The following ELF1 variants were observed in gnomAD, a reference collection of about 807,000 sequenced individuals.
The protein encoded by ELF1 is E74 like ETS transcription factor 1.
Under a neutral mutation model 59.9 loss-of-function variants are expected in ELF1, and 24 were observed. The observed-to-expected ratio is 0.40, with a 90% CI of 0.29 to 0.56. The LOEUF (loss-of-function observed/expected upper bound fraction) is 0.56. Ranked by LOEUF, ELF1 falls within the 20% of genes least tolerant of loss-of-function variation. The probability of loss-of-function intolerance (pLI) is 0.44; values close to 1 mark genes in which losing one functional copy is unlikely to be tolerated. For missense variants in ELF1, 627 were observed against 742.2 expected (o/e 0.84, Z 1.80); for synonymous variants, 248 against 266.2 (o/e 0.93, Z 0.67).
chr13:41,005,481 A>G (rs1316330748), intron 1 of ELF1, among the ~76,000 whole-genome samples: 2 of 151,524 alleles, frequency 1.3e-5, no homozygotes, highest in Non-Finnish European at 2.9e-5. Flanking sequence ...CCTACCACAA[A>G]AAAAAAACAA....
intron 1 of ELF1, among the ~76,000 whole-genome samples, chr13:41,036,549 T>C (rs1876387974): frequency 6.6e-6 from 1 of 152,290 alleles, no homozygotes; most frequent in Admixed American, 6.5e-5. Flanking sequence ...AGTGTGGCAA[T>C]TCCTCAGGGA....
At chr13:40,935,629 T>A (rs1869713827) in intron 8 of ELF1, among the ~76,000 whole-genome samples, 1 of 151,504 alleles carries the variant, frequency 6.6e-6, no homozygotes, top group East Asian at 1.9e-4. Context: ...AAATCTGGGG[T>A]GAGATGGGAG....
intron 1 of ELF1, among the ~76,000 whole-genome samples, chr13:41,004,941 A>G (rs1874656555): frequency 6.6e-6 from 1 of 152,182 alleles, no homozygotes; most frequent in Admixed American, 6.6e-5. Context: ...TAATAAAACT[A>G]GCTTTATGCT....
chr13:41,038,705 T>C (rs1876484248), intron 1 of ELF1, among the ~76,000 whole-genome samples: 1 of 152,140 alleles, frequency 6.6e-6, no homozygotes, highest in African/African-American at 2.4e-5. Context: ...GATAAACATT[T>C]ATACACTAAT....
intron 1 of ELF1, among the ~76,000 whole-genome samples, chr13:41,000,314 T>C (rs1382391420): frequency 7.0e-6 from 1 of 141,958 alleles, no homozygotes; most frequent in Non-Finnish European, 1.5e-5. Context: ...ACAGTGTCAT[T>C]ATCTCCAGCA....
At chr13:40,943,253 T>A in intron 6 of ELF1, 109 bp from the exon 7 acceptor site, 1 of 965,842 alleles carries the variant, frequency 1.0e-6, no homozygotes, top group Non-Finnish European at 1.4e-6. Context: ...ACAAAAATAT[T>A]ACATAATTCA....
chr13:40,957,831 T>A (rs1296956387), intron 3 of ELF1, among the ~76,000 whole-genome samples: 1 of 152,226 alleles, frequency 6.6e-6, no homozygotes, highest in African/African-American at 2.4e-5. Flanking sequence ...ACCAGATGGA[T>A]ACAGTCATTC....
chr13:41,061,035 G>C (rs990981809), exon 1 of ELF1: 3 of 207,018 alleles, frequency 1.4e-5, no homozygotes, highest in African/African-American at 2.3e-5. Flanking sequence ...GGGCCGCTCC[G>C]CTGCAACAGC....
At chr13:40,991,136 C>T (rs1873832208) in intron 1 of ELF1, among the ~76,000 whole-genome samples, 1 of 152,156 alleles carries the variant, frequency 6.6e-6, no homozygotes, top group Non-Finnish European at 1.5e-5. Context: ...CAGTTTATTT[C>T]TCAAAACTGT....
At chr13:40,994,275 C>T (rs987517025) in intron 1 of ELF1, among the ~76,000 whole-genome samples, 7 of 152,200 alleles carry the variant, frequency 4.6e-5, no homozygotes, top group African/African-American at 1.7e-4. Context: ...ATACCTAGAC[C>T]TGTCCATACC....
chr13:40,940,479 T>G (rs1405951606), intron 8 of ELF1, among the ~76,000 whole-genome samples: 1 of 150,816 alleles, frequency 6.6e-6, no homozygotes, highest in Non-Finnish European at 1.5e-5. Context: ...TGGCCTCCCT[T>G]CCTATTTGAA....
chr13:40,982,409 G>C, intron 1 of ELF1, 127 bp from the exon 2 acceptor site: 1 of 492,724 alleles, frequency 2.0e-6, no homozygotes, highest in Non-Finnish European at 2.7e-6. Flanking sequence ...AAATCGACAC[G>C]ACTAATGCAC....
intron 1 of ELF1, among the ~76,000 whole-genome samples, chr13:41,046,527 T>G (rs1876855471): frequency 6.6e-6 from 1 of 152,222 alleles, no homozygotes. Flanking sequence ...AGGATTTTAT[T>G]TCTCCTTCAC....
chr13:41,035,831 C>G (rs1421972100), intron 1 of ELF1, among the ~76,000 whole-genome samples: 1 of 148,856 alleles, frequency 6.7e-6, no homozygotes, highest in Non-Finnish European at 1.5e-5. Flanking sequence ...AACACAACTT[C>G]TTGTTAAAAA....
chr13:41,045,452 C>T (rs891998243), intron 1 of ELF1, among the ~76,000 whole-genome samples: 7 of 152,194 alleles, frequency 4.6e-5, no homozygotes, highest in African/African-American at 1.7e-4. Flanking sequence ...CCTCTACACG[C>T]TGCTTTAAAT....
At chr13:40,974,610 A>G (rs1872791189) in intron 2 of ELF1, among the ~76,000 whole-genome samples, 1 of 152,186 alleles carries the variant, frequency 6.6e-6, no homozygotes, top group South Asian at 2.1e-4. Context: ...TTCACCACTG[A>G]AAGTTTCTGA....
intron 8 of ELF1, among the ~76,000 whole-genome samples, 184 bp from the exon 9 acceptor site, chr13:40,934,212 C>G (rs1414295211): frequency 6.6e-6 from 1 of 152,000 alleles, no homozygotes; most frequent in African/African-American, 2.4e-5. Context: ...TACAGAGATG[C>G]CTAACACAAA....
chr13:40,937,170 G>A (rs1300805314), intron 8 of ELF1, among the ~76,000 whole-genome samples: 2 of 152,090 alleles, frequency 1.3e-5, no homozygotes, highest in Non-Finnish European at 1.5e-5. Context: ...TGTCAGTTGC[G>A]TCTGGTTGTA....
chr13:40,960,309 A>G (rs950262151), intron 2 of ELF1, among the ~76,000 whole-genome samples: 3 of 152,198 alleles, frequency 2.0e-5, no homozygotes, highest in African/African-American at 7.2e-5. Context: ...TTCCTTTAGT[A>G]AATATCATGT....
Sources: allele counts gnomAD v4.1 joint callset (sites outside exome capture counted in the v4.1 genomes callset), GRCh38; gene constraint gnomAD v4.1.1; transcripts MANE v1.5; gene names NCBI Gene and HGNC (gene_info 2026-07-23, HGNC 2026-07-21).